EPB41L4B: variants seen among roughly 807,000 people sequenced by gnomAD.
EPB41L4B encodes erythrocyte membrane protein band 4.1 like 4B.
In EPB41L4B, 30 loss-of-function variants were observed where a neutral mutation model predicts 112.5. The observed-to-expected ratio is 0.27, with a 90% CI of 0.20 to 0.36. The LOEUF (loss-of-function observed/expected upper bound fraction) is 0.36, where lower values mean the gene tolerates loss of function less well. Among genes scored for constraint, EPB41L4B ranks in the 10% least tolerant of loss-of-function variants. EPB41L4B has a pLI of 1.00. For missense variants in EPB41L4B, 1,024 were observed against 1,133.3 expected, an observed-to-expected ratio of 0.90 and a Z score of 1.38; for synonymous variants, 408 against 439.7, an observed-to-expected ratio of 0.93 and a Z score of 0.90.
chr9:109,316,115 C>T (rs1837625327), intron 1 of EPB41L4B, among the ~76,000 whole-genome samples: 1 of 152,234 alleles, frequency 6.6e-6, no homozygotes, highest in Non-Finnish European at 1.5e-5. Context: ...AAGTCAATGG[C>T]TCAGAGAGCT....
intron 15 of EPB41L4B, among the ~76,000 whole-genome samples, chr9:109,225,636 T>C (rs1033370068): frequency 6.6e-6 from 1 of 152,112 alleles, no homozygotes; most frequent in African/African-American, 2.4e-5. Flanking sequence ...CAATTTGAGA[T>C]GAGATTTGGG....
intron 1 of EPB41L4B, among the ~76,000 whole-genome samples, chr9:109,319,451 G>A (rs966095675): frequency 6.6e-6 from 1 of 152,196 alleles, no homozygotes; most frequent in African/African-American, 2.4e-5. Flanking sequence ...GGGCTCTGCC[G>A]GTGCAAGGCA....
At chr9:109,310,302 G>T (rs1322913790) in intron 1 of EPB41L4B, among the ~76,000 whole-genome samples, 1 of 146,020 alleles carries the variant, frequency 6.8e-6, no homozygotes, top group Non-Finnish European at 1.5e-5. Context: ...CACATGCAGA[G>T]AACCTATAAA....
intron 1 of EPB41L4B, among the ~76,000 whole-genome samples, chr9:109,309,056 C>T (rs969148676): frequency 4.0e-5 from 6 of 151,512 alleles, no homozygotes; most frequent in African/African-American, 1.2e-4. Flanking sequence ...GCCTAGGTGA[C>T]GAAGCGAGAT....
intron 15 of EPB41L4B, chr9:109,240,519 A>G (rs1473485915): frequency 1.0e-6 from 1 of 985,254 alleles, no homozygotes; most frequent in African/African-American, 1.7e-5. Flanking sequence ...TTTCACAGAA[A>G]TACTAATAAA....
chr9:109,206,446 G>A (rs1832996356), intron 18 of EPB41L4B, among the ~76,000 whole-genome samples: 1 of 152,238 alleles, frequency 6.6e-6, no homozygotes, highest in African/African-American at 2.4e-5. Flanking sequence ...GCCTTCCAAT[G>A]TGCTGAGGCT....
At chr9:109,179,945 T>C (rs974493622) in intron 24 of EPB41L4B, among the ~76,000 whole-genome samples, 1 of 152,188 alleles carries the variant, frequency 6.6e-6, no homozygotes, top group East Asian at 1.9e-4. Context: ...CCCTTCCAAG[T>C]GCATCTGCCC....
chr9:109,204,841 T>C (rs1324482770), intron 18 of EPB41L4B, among the ~76,000 whole-genome samples: 1 of 152,170 alleles, frequency 6.6e-6, no homozygotes, highest in African/African-American at 2.4e-5. Flanking sequence ...ATTGGTCTGT[T>C]TGACTTCTGC....
chr9:109,271,015 T>C (rs1327549762), intron 2 of EPB41L4B, among the ~76,000 whole-genome samples: 1 of 152,238 alleles, frequency 6.6e-6, no homozygotes, highest in East Asian at 1.9e-4. Flanking sequence ...GTTCTGATGA[T>C]CTTGAAACAT....
At chr9:109,226,559 C>T (rs911552459) in intron 15 of EPB41L4B, among the ~76,000 whole-genome samples, 14 of 148,026 alleles carry the variant, frequency 9.5e-5, no homozygotes, top group Non-Finnish European at 1.9e-4. Flanking sequence ...TTTCAGTTTT[C>T]GGATTGCCCA....
At chr9:109,205,036 G>A (rs1443160933) in intron 18 of EPB41L4B, among the ~76,000 whole-genome samples, 1 of 152,196 alleles carries the variant, frequency 6.6e-6, no homozygotes. Flanking sequence ...ACAGATAACA[G>A]TAGGAGCTAC....
At chr9:109,297,194 T>TG (rs1278183954) in intron 1 of EPB41L4B, among the ~76,000 whole-genome samples, 25 of 15,180 alleles carry the variant, frequency 1.6e-3, no homozygotes, top group African/African-American at 5.5e-3. Flanking sequence ...AAGAGGCAGC[T>TG]GGGGGGGTGG....
chr9:109,275,946 A>G (rs1835798045), intron 2 of EPB41L4B, among the ~76,000 whole-genome samples: 1 of 151,908 alleles, frequency 6.6e-6, no homozygotes, highest in South Asian at 2.1e-4. Flanking sequence ...GGGCTAAAAA[A>G]GAAGGTTCTA....
chr9:109,174,912 G>GTT (rs35440007), intron 25 of EPB41L4B, among the ~76,000 whole-genome samples: 322 of 74,508 alleles, frequency 4.3e-3, no homozygotes, highest in Middle Eastern at 6.9e-3. Context: ...TCAGTAAAGT[G>GTT]TTTTTTTTTT....
At chr9:109,194,702 C>T (rs984500613) in intron 20 of EPB41L4B, among the ~76,000 whole-genome samples, 1 of 152,190 alleles carries the variant, frequency 6.6e-6, no homozygotes, top group African/African-American at 2.4e-5. Flanking sequence ...AATGCATTCA[C>T]AATATTGTGC....
intron 24 of EPB41L4B, among the ~76,000 whole-genome samples, chr9:109,180,762 C>T (rs1176730374): frequency 6.6e-6 from 1 of 152,154 alleles, no homozygotes; most frequent in African/African-American, 2.4e-5. Flanking sequence ...CCAGATGGCA[C>T]AAAAACCCTT....
intron 6 of EPB41L4B, among the ~76,000 whole-genome samples, chr9:109,259,426 GCGACC>G (rs1835114898): frequency 6.6e-6 from 1 of 152,164 alleles, no homozygotes; most frequent in African/African-American, 2.4e-5. Flanking sequence ...TGCTAATGTG[GCGACC>G]CTGGAAAACA....
intron 19 of EPB41L4B, among the ~76,000 whole-genome samples, chr9:109,202,031 G>A (rs1230388618): frequency 6.6e-6 from 1 of 152,188 alleles, no homozygotes; most frequent in Non-Finnish European, 1.5e-5. Context: ...AAGAGGAAAA[G>A]AGGATGGATG....
intron 19 of EPB41L4B, among the ~76,000 whole-genome samples, chr9:109,202,062 A>G (rs1453237511): frequency 6.6e-6 from 1 of 152,136 alleles, no homozygotes; most frequent in Non-Finnish European, 1.5e-5. Flanking sequence ...AATGAAAGTC[A>G]AATTGCCAGG....
Sources: gnomAD v4.1 joint callset for allele counts (sites outside exome capture counted in the v4.1 genomes callset) on GRCh38, gnomAD v4.1.1 for gene constraint, MANE v1.5 for transcripts, NCBI Gene and HGNC (gene_info 2026-07-23, HGNC 2026-07-21) for gene names.